PABPC3: variants seen among roughly 807,000 people sequenced by gnomAD.
PABPC3 encodes the protein poly(A) binding protein cytoplasmic 3, also known as polyadenylate-binding protein 3.
A neutral mutation model predicts 43.0 loss-of-function variants in PABPC3; 43 were observed. The ratio of observed to expected loss-of-function variants is 1.00; its 90% CI spans 0.78 to 1.29. PABPC3 has a LOEUF of 1.29. Ranked by LOEUF, PABPC3 falls within the 50% of genes most tolerant of loss-of-function variation. The probability of loss-of-function intolerance (pLI) is 0.00; values close to 1 mark genes in which losing one functional copy is unlikely to be tolerated. For missense variants in PABPC3, 784 were observed against 798.1 expected (o/e 0.98, Z 0.21); for synonymous variants, 221 against 274.6 (o/e 0.80, Z 1.93).
At position 25,098,940 on chromosome 13, in the gene PABPC3, C is replaced by T. The variant is rs1300750414; in HGVS notation, c.*846C>T. On this transcript the variant is annotated 3_prime_UTR_variant, in exon 1 of 1. Transcript: ENST00000281589. ...TTGATTTTCTTCAATAATAATTGTA[C>T]ATAGTTATTTCTTGGTTTATCAATT... 6.0e-6 allele frequency: 1 copy of T among 166,674 alleles called. No individual in the cohort carries two copies. Among genetic ancestry groups the T allele is most frequent in the Non-Finnish European group, 1.5e-5 (1 of 68,024 alleles). The allele number at this position is 166,674 out of a possible 1,614,324, so 10.3% of individuals were successfully genotyped here.
At position 25,099,057 on chromosome 13, in the gene PABPC3, T is replaced by C. The variant is rs1222692396; in HGVS notation, c.*963T>C. The C allele has an allele frequency of 4.8e-5, 8 of 166,646 alleles. No homozygotes were observed. Among genetic ancestry groups the C allele is most frequent in the Non-Finnish European group, 7.4e-5 (5 of 67,962 alleles). The allele number at this position is 166,646 out of a possible 1,614,324, so 10.3% of individuals were successfully genotyped here. A position where few individuals can be genotyped will look rare whatever the true frequency, so the allele number is the denominator to read the frequency against. The stretch of plus-strand genomic sequence containing the variant: ...ATCCCTCCTCCTCCTCCCAATATAA[T>C]TTATCACTACTTGTAGCTCCTTTAT... On this transcript the variant is annotated 3_prime_UTR_variant, in exon 1 of 1. Coordinates refer to ENST00000281589, the MANE Select transcript of PABPC3 (RefSeq NM_030979.3).
Position 25,098,212 on chromosome 13 carries a change from T to TA in PABPC3, c.*124dup. Reference sequence around the variant, plus strand: ...AAAATAAAAAATGCAAAATCTAAAATAAAAAATGGAAAGGAAACTTTGAAC... The same window carrying TA: ...AAAATAAAAAATGCAAAATCTAAAATAAAAAAATGGAAAGGAAACTTTGAAC... On this transcript the variant is annotated 3_prime_UTR_variant, in exon 1 of 1. Transcript: ENST00000281589. The TA allele has an allele frequency of 1.1e-6, 1 of 917,784 alleles. No homozygotes were observed. Among genetic ancestry groups the TA allele is most frequent in the South Asian group, 1.6e-5 (1 of 60,706 alleles). The allele number at this position is 917,784 out of a possible 1,614,324, so 56.9% of individuals were successfully genotyped here. A position where few individuals can be genotyped will look rare whatever the true frequency, so the allele number is the denominator to read the frequency against.
At chr13:25,096,478 C>T in the PABPC3 span, 25 of 1,614,066 alleles carry the variant, frequency 1.5e-5, no homozygotes, top group Middle Eastern at 1.6e-4. Flanking sequence ...TCCATCACTT[C>T]GAAAAAGTGG....
At position 25,096,523 on chromosome 13, in the gene PABPC3, T is replaced by G; in HGVS notation, c.325T>G (p.Ser109Ala). 1 of 1,614,210 alleles carries G rather than the reference T, an allele frequency of 6.2e-7. No individual in the cohort carries two copies. The highest frequency in any genetic ancestry group is 1.7e-5 in the Admixed American group (1 of 60,020). The change falls in exon 1 of 1, where the codon TCC becomes GCC. Residue 109 changes from serine (S) to alanine (A), a missense_variant. Physicochemically the swap from Ser to Ala is moderately conservative, Grantham distance 99. Coordinates refer to ENST00000281589, the MANE Select transcript of PABPC3 (RefSeq NM_030979.3). Reference protein sequence around the residue: ...GNIFVKNLDKSINNKALYDTV... With the variant: ...GNIFVKNLDKAINNKALYDTV... ...CATATTCGTTAAAAATCTGGATAAG[T>G]CCATTAATAATAAAGCACTGTATGA...
At position 25,098,972 on chromosome 13, in the gene PABPC3, T is replaced by C. The variant is rs1284410954; in HGVS notation, c.*878T>C. Reference sequence around the variant, plus strand: ...ATTTCTTGGTTTATCAATTTTGTAATTTAACTATTGACTTCCTGCTGTAAC... The same window carrying C: ...ATTTCTTGGTTTATCAATTTTGTAACTTAACTATTGACTTCCTGCTGTAAC... On this transcript the variant is annotated 3_prime_UTR_variant, in exon 1 of 1. Transcript: ENST00000281589. 1 of 166,948 alleles carries C rather than the reference T, an allele frequency of 6.0e-6. No homozygotes were observed. Among genetic ancestry groups the C allele is most frequent in the East Asian group, 1.9e-4 (1 of 5,206 alleles). The allele number at this position is 166,948 out of a possible 1,614,324, so 10.3% of individuals were successfully genotyped here. A position where few individuals can be genotyped will look rare whatever the true frequency, so the allele number is the denominator to read the frequency against.
At position 25,098,160 on chromosome 13, in the gene PABPC3, A is replaced by G. The variant is rs187286626; in HGVS notation, c.*66A>G. The stretch of plus-strand genomic sequence containing the variant: ...AAGAAAAATATCTAAACATCGAGAA[A>G]CTATGGGAAAAAAAATTGCAAAATC... On this transcript the variant is annotated 3_prime_UTR_variant, in exon 1 of 1. Coordinates refer to ENST00000281589, the MANE Select transcript of PABPC3 (RefSeq NM_030979.3). 4 of 1,412,508 alleles carry G rather than the reference A, an allele frequency of 2.8e-6. No homozygotes were observed. The African/African-American group carries it at 5.8e-5, about 20-fold the overall frequency. 87.5% of individuals were successfully genotyped at this position (1,412,508 alleles called of 1,614,324 possible).
Position 25,096,162 on chromosome 13 carries a change from G to C in PABPC3, c.-37G>C. On this transcript the variant is annotated 5_prime_UTR_variant, in exon 1 of 1. Coordinates refer to ENST00000281589, the MANE Select transcript of PABPC3 (RefSeq NM_030979.3). ...CGCGCTCTACTCCTGTAACGGAAAG[G>C]TCGCGGCTTGTGTGCCTGCGGGCAG... 1.3e-6 allele frequency: 2 copies of C among 1,586,860 alleles called. No homozygotes were observed. The highest frequency in any genetic ancestry group is 1.7e-6 in the Non-Finnish European group (2 of 1,164,890).
In PABPC3 at chr13:25,098,075, C is replaced by T. The variant is rs536975429; in HGVS notation, c.1877C>T (p.Thr626Ile). The T allele has an allele frequency of 1.9e-6, 3 of 1,613,726 alleles. No homozygotes were observed. Among genetic ancestry groups the T allele is most frequent in the Non-Finnish European group, 2.5e-6 (3 of 1,179,730 alleles). Residue 626 changes from threonine (T) to isoleucine (I), a missense_variant, in exon 1 of 1, where the codon ACC (threonine) becomes ATC (isoleucine). Transcript: ENST00000281589. ...ACCCAGAAAGCAGTTAACAGTGCTA[C>T]CGGTGTTCCAACTGTTTAAAATTGA... Reference protein sequence around the residue: ...EATQKAVNSATGVPTV With the variant: ...EATQKAVNSAIGVPTV
In PABPC3 at chr13:25,097,130, G is replaced by T. The variant is rs145560143; in HGVS notation, c.932G>T (p.Arg311Leu). 341 of 1,610,704 alleles carry T rather than the reference G, an allele frequency of 2.1e-4. No individual in the cohort carries two copies. Among genetic ancestry groups the T allele is most frequent in the Non-Finnish European group, 1.1e-4 (124 of 1,178,568 alleles). Residue 311 changes from arginine to leucine, a missense_variant, in exon 1 of 1, where the codon CGG (arginine) becomes CTG (leucine). Transcript: ENST00000281589. ...GATGGTATTGATGATGAACGTCTCC[G>T]GAAAGCGTTTTCTCCATTTGGTACA... ...LDDGIDDERL[R>L]KAFSPFGTIT...
At position 25,097,916 on chromosome 13, in the gene PABPC3, C is replaced by G. The variant is rs761420381; in HGVS notation, c.1718C>G (p.Ala573Gly). 1.9e-6 allele frequency: 3 copies of G among 1,613,978 alleles called. No homozygotes were observed. The Admixed American group carries it at 5.0e-5, about 27-fold the overall frequency. Residue 573 changes from alanine (A) to glycine (G), a missense_variant, in exon 1 of 1, where the codon GCT (alanine) becomes GGT (glycine). Ala to Gly is a moderately conservative substitution (Grantham distance 60, BLOSUM62 0). Transcript: ENST00000281589. Reference sequence around the variant, plus strand: ...ATTCAAGCCATGCACCCTACTCTTGCTGGGAAAATCACTGGCATGTTGTTG... The same window carrying G: ...ATTCAAGCCATGCACCCTACTCTTGGTGGGAAAATCACTGGCATGTTGTTG... ...PLIQAMHPTL[A>G]GKITGMLLEI...
rs1032126922 is a variant in PABPC3, at chr13:25,099,081, A to G, written c.*987A>G. ...ATTTATCACTACTTGTAGCTCCTTT[A>G]TTGGTAATATTAATTAATATAAATA... On this transcript the variant is annotated 3_prime_UTR_variant, in exon 1 of 1. Coordinates refer to ENST00000281589, the MANE Select transcript of PABPC3 (RefSeq NM_030979.3). The G allele has an allele frequency of 6.0e-6, 1 of 166,434 alleles. No individual in the cohort carries two copies. The highest frequency in any genetic ancestry group is 1.5e-5 in the Non-Finnish European group (1 of 67,914). 10.3% of individuals were successfully genotyped at this position (166,434 alleles called of 1,614,324 possible).
In PABPC3 at chr13:25,098,109, C is replaced by T. The variant is rs760247222; in HGVS notation, c.*15C>T. 6.2e-7 allele frequency: 1 copy of T among 1,601,126 alleles called. No individual in the cohort carries two copies. The highest frequency in any genetic ancestry group is 1.1e-5 in the South Asian group (1 of 88,446). On this transcript the variant is annotated 3_prime_UTR_variant, in exon 1 of 1. Transcript: ENST00000281589. ...CAACTGTTTAAAATTGATCAGAGAC[C>T]ACGAAAAGAAATTTGTGCTTCACCG...
chr13:25,097,877 G>A lies in PABPC3; in HGVS notation c.1679G>A (p.Arg560Gln). 3.7e-6 allele frequency: 6 copies of A among 1,613,952 alleles called. No homozygotes were observed. The highest frequency in any genetic ancestry group is 5.1e-6 in the Non-Finnish European group (6 of 1,179,866). Residue 560 changes from arginine to glutamine, a missense_variant, in exon 1 of 1, where the codon CGG becomes CAG. Coordinates refer to ENST00000281589, the MANE Select transcript of PABPC3 (RefSeq NM_030979.3). Reference sequence around the variant, plus strand: ...AAGCAAAAGCAAATGTTAGGTGAACGGCTCTTTCCTCTTATTCAAGCCATG... The same window carrying A: ...AAGCAAAAGCAAATGTTAGGTGAACAGCTCTTTCCTCTTATTCAAGCCATG... ...PQKQKQMLGE[R>Q]LFPLIQAMHP...
At position 25,098,203 on chromosome 13, in the gene PABPC3, A is replaced by T; in HGVS notation, c.*109A>T. On this transcript the variant is annotated 3_prime_UTR_variant, in exon 1 of 1. Transcript: ENST00000281589. Reference sequence around the variant, plus strand: ...GCAAAATCTAAAATAAAAAATGCAAAATCTAAAATAAAAAATGGAAAGGAA... The same window carrying T: ...GCAAAATCTAAAATAAAAAATGCAATATCTAAAATAAAAAATGGAAAGGAA... 1 of 982,202 alleles carries T rather than the reference A, an allele frequency of 1.0e-6. No homozygotes were observed. Among genetic ancestry groups the T allele is most frequent in the Non-Finnish European group, 1.5e-6 (1 of 646,606 alleles). 60.8% of individuals were successfully genotyped at this position (982,202 alleles called of 1,614,324 possible).
rs755481768 is a variant in PABPC3, at chr13:25,096,479, G to A, written c.281G>A (p.Arg94Gln). 49 of 1,614,004 alleles carry A rather than the reference G, an allele frequency of 3.0e-5. No homozygotes were observed. In the Admixed American group the frequency reaches 5.2e-4, roughly 17 times the overall value. Residue 94 changes from arginine to glutamine, a missense_variant, in exon 1 of 1, where the codon CGA (arginine) becomes CAA (glutamine). Physicochemically the swap from Arg to Gln is conservative, Grantham distance 43 (BLOSUM62 1). Coordinates refer to ENST00000281589, the MANE Select transcript of PABPC3 (RefSeq NM_030979.3). Reference sequence around the variant, plus strand: ...TGGTCTCAGCGTGATCCATCACTTCGAAAAAGTGGAGTGGGCAACATATTC... The same window carrying A: ...TGGTCTCAGCGTGATCCATCACTTCAAAAAAGTGGAGTGGGCAACATATTC... ...IMWSQRDPSL[R>Q]KSGVGNIFVK... is the part of the protein sequence containing the mutation.
the PABPC3 span, chr13:25,097,016 AGACG>A: frequency 5.4e-4 from 864 of 1,599,476 alleles, no homozygotes; most frequent in East Asian, 0.01. Flanking sequence ...GTGGAACGGC[AGACG>A]GAACTTAAGC....
rs1232663553 is a variant in PABPC3, at chr13:25,096,343, A to C, written c.145A>C (p.Ser49Arg). The C allele has an allele frequency of 1.2e-6, 2 of 1,614,132 alleles. No homozygotes were observed. The highest frequency in any genetic ancestry group is 1.3e-5 in the African/African-American group (1 of 74,952). ...CCGGATCTGCAGGGACTTGATCACC[A>C]GCGGCTCCTCCAACTACGCGTATGT... ...SIRICRDLIT[S>R]GSSNYAYVNF... The change falls in exon 1 of 1, where the codon AGC becomes CGC. Residue 49 changes from serine to arginine, a missense_variant. Ser to Arg is a moderately radical substitution (Grantham distance 110). Transcript: ENST00000281589.
chr13:25,098,898 T>C lies in PABPC3; in HGVS notation c.*804T>C, dbSNP rs2137386643. 6.0e-6 allele frequency: 1 copy of C among 166,938 alleles called. No homozygotes were observed. The highest frequency in any genetic ancestry group is 3.4e-3 in the Middle Eastern group (1 of 296). 10.3% of individuals were successfully genotyped at this position (166,938 alleles called of 1,614,324 possible). On this transcript the variant is annotated 3_prime_UTR_variant, in exon 1 of 1. Coordinates refer to ENST00000281589, the MANE Select transcript of PABPC3 (RefSeq NM_030979.3). ...AGATAATCACTTTTAATCATTTGGT[T>C]TTAGTGTTTCTGGTAGTTGATTTTC...
Position 25,098,071 on chromosome 13 carries a change from G to T in PABPC3, c.1873G>T (p.Ala625Ser). 6.2e-7 allele frequency: 1 copy of T among 1,613,890 alleles called. No homozygotes were observed. The highest frequency in any genetic ancestry group is 1.3e-5 in the African/African-American group (1 of 75,034). The change falls in exon 1 of 1, where the codon GCT becomes TCT. Residue 625 changes from alanine (A) to serine (S), a missense_variant. Physicochemically the swap from Ala to Ser is moderately conservative, Grantham distance 99 (BLOSUM62 1). Coordinates refer to ENST00000281589, the MANE Select transcript of PABPC3 (RefSeq NM_030979.3). The part of the protein sequence containing the change: ...KEATQKAVNS[A>S]TGVPTV Reference sequence around the variant, plus strand: ...GGCTACCCAGAAAGCAGTTAACAGTGCTACCGGTGTTCCAACTGTTTAAAA... The same window carrying T: ...GGCTACCCAGAAAGCAGTTAACAGTTCTACCGGTGTTCCAACTGTTTAAAA...
Sources: allele counts gnomAD v4.1 joint callset, GRCh38; gene constraint gnomAD v4.1.1; transcripts MANE v1.5; gene names NCBI Gene and HGNC (gene_info 2026-07-23, HGNC 2026-07-21).